The following EPHA4 variants were observed in gnomAD, a reference collection of about 807,000 sequenced individuals.
The protein encoded by EPHA4 is EPH receptor A4, also known as ephrin type-A receptor 4.
EPHA4 carries 19 observed loss-of-function variants against 108.3 expected under a neutral mutation model. That is an observed-to-expected ratio of 0.18 (90% CI 0.12 to 0.26). The LOEUF is 0.26. Among genes scored for constraint, EPHA4 ranks in the 10% least tolerant of loss-of-function variants. The pLI is 1.00. For synonymous variants in EPHA4, 449 were observed against 455.5 expected, an observed-to-expected ratio of 0.99 and a Z score of 0.18; for missense variants, 917 against 1,254.0, an observed-to-expected ratio of 0.73 and a Z score of 4.06.
chr2:221,504,421 C>T (rs1259236840), intron 3 of EPHA4, among the ~76,000 whole-genome samples: 2 of 152,120 alleles, frequency 1.3e-5, no homozygotes, highest in African/African-American at 2.4e-5. Flanking sequence ...ATAACAAAGT[C>T]GAATTTTAAG....
chr2:221,501,589 T>C (rs928077251), intron 3 of EPHA4, among the ~76,000 whole-genome samples: 4 of 152,214 alleles, frequency 2.6e-5, no homozygotes. Flanking sequence ...CACAAGACCA[T>C]ACATCTGCTA....
intron 3 of EPHA4, among the ~76,000 whole-genome samples, chr2:221,508,569 A>G (rs1692705515): frequency 6.8e-6 from 1 of 146,226 alleles, no homozygotes; most frequent in Non-Finnish European, 1.5e-5. Context: ...ACAGAGTGAG[A>G]CTCTGTCTCA....
chr2:221,564,873 GCTCT>G (rs1391179948), intron 2 of EPHA4, among the ~76,000 whole-genome samples: 3 of 119,698 alleles, frequency 2.5e-5, no homozygotes, highest in African/African-American at 6.9e-5. Context: ...TCAGAACTTT[GCTCT>G]CTAATACCTC....
Position 221,434,281 on chromosome 2 carries a change from A to G in EPHA4, c.2357T>C (p.Ile786Thr). Residue 786 changes from isoleucine to threonine, a missense_variant, in exon 14 of 18, where the codon ATT (isoleucine) becomes ACT (threonine). Physicochemically the swap from Ile to Thr is moderately conservative, Grantham distance 89. Coordinates refer to ENST00000281821, the MANE Select transcript of EPHA4 (RefSeq NM_004438.5). ...EAAYTTRGGK[I>T]PIRWTAPEAI... ...TTCTGGCGCAGTCCACCGGATAGGA[A>G]TCTTGCCACCCTGTGAACATTTGAG... The G allele has an allele frequency of 6.2e-7, 1 of 1,614,012 alleles. No individual in the cohort carries two copies. The highest frequency in any genetic ancestry group is 8.5e-7 in the Non-Finnish European group (1 of 1,179,948).
At chr2:221,439,937 T>C (rs1386672254) in intron 11 of EPHA4, among the ~76,000 whole-genome samples, 1 of 152,202 alleles carries the variant, frequency 6.6e-6, no homozygotes, top group Non-Finnish European at 1.5e-5. Context: ...CCTTTCACCC[T>C]CACACCTCCC....
intron 5 of EPHA4, among the ~76,000 whole-genome samples, chr2:221,467,239 T>C (rs563955066): frequency 5.3e-5 from 8 of 152,358 alleles, no homozygotes; most frequent in Admixed American, 2.6e-4. Flanking sequence ...GTTCTATTGT[T>C]CTGTTCCTTG....
At chr2:221,561,455 C>G (rs1008809893) in intron 3 of EPHA4, among the ~76,000 whole-genome samples, 2 of 151,992 alleles carry the variant, frequency 1.3e-5, no homozygotes, top group African/African-American at 4.8e-5. Context: ...AAACAAAAAA[C>G]AAAAACAAAC....
At chr2:221,461,442 C>A (rs1324296180) in intron 5 of EPHA4, among the ~76,000 whole-genome samples, 1 of 113,578 alleles carries the variant, frequency 8.8e-6, no homozygotes, top group Non-Finnish European at 2.0e-5. Flanking sequence ...TCTGACCAAT[C>A]AATGCCTAAG....
At chr2:221,425,054 C>T (rs1425247058) in intron 17 of EPHA4, among the ~76,000 whole-genome samples, 155 bp downstream of exon 17, 1 of 150,694 alleles carries the variant, frequency 6.6e-6, no homozygotes, top group Non-Finnish European at 1.5e-5. Context: ...TCCTCTTTCG[C>T]TGTCAAAAAA....
intron 8 of EPHA4, among the ~76,000 whole-genome samples, chr2:221,452,512 G>A (rs1445054626): frequency 1.3e-5 from 2 of 152,054 alleles, no homozygotes; most frequent in Non-Finnish European, 2.9e-5. Context: ...ACCTGCGTGA[G>A]GAGAAGAATT....
chr2:221,494,505 G>A (rs754872519), intron 4 of EPHA4, among the ~76,000 whole-genome samples: 1 of 152,188 alleles, frequency 6.6e-6, no homozygotes, highest in African/African-American at 2.4e-5. Flanking sequence ...TACTTGGGAG[G>A]CTGAGGCAGG....
chr2:221,524,397 T>C (rs985205269), intron 3 of EPHA4, among the ~76,000 whole-genome samples: 1 of 152,242 alleles, frequency 6.6e-6, no homozygotes, highest in African/African-American at 2.4e-5. Context: ...CCTCCAGTGT[T>C]TGCCTATCTT....
intron 3 of EPHA4, among the ~76,000 whole-genome samples, chr2:221,520,259 G>C (rs1693119589): frequency 6.6e-6 from 1 of 151,772 alleles, no homozygotes; most frequent in African/African-American, 2.4e-5. Flanking sequence ...GTTCTCACTT[G>C]GATTGTTCTT....
intron 4 of EPHA4, among the ~76,000 whole-genome samples, chr2:221,483,465 A>G (rs1274475691): frequency 6.6e-6 from 1 of 151,894 alleles, no homozygotes; most frequent in Non-Finnish European, 1.5e-5. Context: ...ATAAGACTAT[A>G]GATCATGATG....
At chr2:221,535,484 A>G (rs947490657) in intron 3 of EPHA4, among the ~76,000 whole-genome samples, 1 of 152,166 alleles carries the variant, frequency 6.6e-6, no homozygotes, top group African/African-American at 2.4e-5. Context: ...CCAAATCCCA[A>G]ATCTAAATAA....
At chr2:221,478,366 G>A (rs1691722931) in intron 5 of EPHA4, among the ~76,000 whole-genome samples, 1 of 152,138 alleles carries the variant, frequency 6.6e-6, no homozygotes, top group Non-Finnish European at 1.5e-5. Context: ...AAGCCATCCA[G>A]AAAACAAATC....
intron 5 of EPHA4, among the ~76,000 whole-genome samples, chr2:221,480,118 T>G (rs1014600459): frequency 6.6e-6 from 1 of 151,196 alleles, no homozygotes; most frequent in Non-Finnish European, 1.5e-5. Context: ...GTGTCTTCTT[T>G]GTGCTCTCTG....
At chr2:221,429,915 A>G in intron 15 of EPHA4, 43 bp downstream of exon 15, 1 of 1,605,336 alleles carries the variant, frequency 6.2e-7, no homozygotes, top group Non-Finnish European at 8.5e-7. Context: ...TGCCTCCTCT[A>G]ATGTGTTCTT....
intron 3 of EPHA4, 69 bp from the exon 4 acceptor site, chr2:221,501,241 C>T: frequency 1.5e-6 from 2 of 1,368,156 alleles, no homozygotes; most frequent in Admixed American, 2.6e-5. Context: ...AAATGCAAAG[C>T]CACCTCCTTG....
Sources: gnomAD v4.1 joint callset for allele counts (sites outside exome capture counted in the v4.1 genomes callset) on GRCh38, gnomAD v4.1.1 for gene constraint, MANE v1.5 for transcripts, NCBI Gene and HGNC (gene_info 2026-07-23, HGNC 2026-07-21) for gene names.